The following PTPRT variants were observed in gnomAD, a reference collection of about 807,000 sequenced individuals.
PTPRT encodes the protein receptor-type tyrosine-protein phosphatase T.
PTPRT carries 56 observed loss-of-function variants against 176.8 expected under a neutral mutation model. The observed-to-expected ratio is 0.32, with a 90% confidence interval of 0.26 to 0.40. The LOEUF (loss-of-function observed/expected upper bound fraction) is 0.40, where lower values mean the gene tolerates loss of function less well. Among genes scored for constraint, PTPRT ranks in the 10% least tolerant of loss-of-function variants. The probability of loss-of-function intolerance (pLI) is 1.00; values close to 1 mark genes in which losing one functional copy is unlikely to be tolerated. For synonymous variants in PTPRT, 783 were observed against 739.0 expected, an observed-to-expected ratio of 1.06 and a Z score of -0.96; for missense variants, 1,540 against 1,908.2, an observed-to-expected ratio of 0.81 and a Z score of 3.60.
intron 15 of PTPRT, among the ~76,000 whole-genome samples, chr20:42,208,345 G>C (rs540211127): frequency 6.6e-6 from 1 of 151,586 alleles, no homozygotes; most frequent in East Asian, 1.9e-4. Context: ...GACACAGACT[G>C]GCAAGTTGGA....
intron 1 of PTPRT, among the ~76,000 whole-genome samples, chr20:42,911,213 T>C (rs1461349934): frequency 6.6e-6 from 1 of 152,180 alleles, no homozygotes; most frequent in African/African-American, 2.4e-5. Flanking sequence ...CTTATATGCT[T>C]TGTGTGTCTT....
At chr20:43,097,308 T>C (rs1460052196) in intron 1 of PTPRT, among the ~76,000 whole-genome samples, 1 of 152,020 alleles carries the variant, frequency 6.6e-6, no homozygotes. Flanking sequence ...ACCCTCTTTT[T>C]CCCCACTCAG....
intron 7 of PTPRT, among the ~76,000 whole-genome samples, chr20:42,501,881 T>A (rs1049576190): frequency 6.6e-6 from 1 of 152,090 alleles, no homozygotes; most frequent in Non-Finnish European, 1.5e-5. Context: ...TTTGTCCTGG[T>A]GTGGTTTTGA....
intron 7 of PTPRT, among the ~76,000 whole-genome samples, chr20:42,553,949 G>T (rs1441061922): frequency 6.6e-6 from 1 of 152,130 alleles, no homozygotes; most frequent in African/African-American, 2.4e-5. Context: ...CTAAGATGAT[G>T]TCAAAGTTTC....
intron 7 of PTPRT, among the ~76,000 whole-genome samples, chr20:42,523,544 G>A (rs906404742): frequency 1.6e-4 from 24 of 151,960 alleles, no homozygotes; most frequent in African/African-American, 5.8e-4. Flanking sequence ...TTTGTGTGAG[G>A]GAATTTGGAA....
At chr20:42,905,037 C>T (rs1039073768) in intron 1 of PTPRT, among the ~76,000 whole-genome samples, 6 of 152,174 alleles carry the variant, frequency 3.9e-5, no homozygotes, top group Non-Finnish European at 7.3e-5. Flanking sequence ...ACACCAAAAG[C>T]AATGGCAACA....
intron 7 of PTPRT, among the ~76,000 whole-genome samples, chr20:42,626,662 G>A (rs1274016289): frequency 6.6e-6 from 1 of 152,198 alleles, no homozygotes; most frequent in Non-Finnish European, 1.5e-5. Context: ...TACATTCACA[G>A]GGCCTGAGCC....
intron 16 of PTPRT, among the ~76,000 whole-genome samples, chr20:42,189,449 G>A (rs1174807267): frequency 6.6e-6 from 1 of 152,154 alleles, no homozygotes; most frequent in Non-Finnish European, 1.5e-5. Context: ...TGGAGGCAGA[G>A]ACCATGTCTT....
chr20:43,009,422 G>T (rs1027159330), intron 1 of PTPRT, among the ~76,000 whole-genome samples: 1 of 152,138 alleles, frequency 6.6e-6, no homozygotes, highest in African/African-American at 2.4e-5. Flanking sequence ...GAGTGTTATG[G>T]GCCATGAAAT....
At chr20:43,025,829 T>C (rs1490849351) in intron 1 of PTPRT, among the ~76,000 whole-genome samples, 1 of 152,156 alleles carries the variant, frequency 6.6e-6, no homozygotes, top group Admixed American at 6.5e-5. Context: ...AGAGCTTCAG[T>C]ATTTCATCCT....
At chr20:43,015,948 G>GAAA (rs367560612) in intron 1 of PTPRT, among the ~76,000 whole-genome samples, 1 of 128,174 alleles carries the variant, frequency 7.8e-6, no homozygotes, top group African/African-American at 2.8e-5. Context: ...ATTTCAAAAA[G>GAAA]AAAAAAAAAA....
At chr20:42,666,672 T>C (rs1302503852) in intron 7 of PTPRT, among the ~76,000 whole-genome samples, 1 of 152,350 alleles carries the variant, frequency 6.6e-6, no homozygotes. Context: ...TGGCCATTTG[T>C]TCAGGTCTTG....
chr20:42,891,888 A>T (rs1278248092), intron 1 of PTPRT, among the ~76,000 whole-genome samples: 1 of 152,244 alleles, frequency 6.6e-6, no homozygotes, highest in Non-Finnish European at 1.5e-5. Context: ...AACATTTTCC[A>T]TAAAAGACTA....
chr20:42,976,629 A>G (rs894198239), intron 1 of PTPRT, among the ~76,000 whole-genome samples: 10 of 151,794 alleles, frequency 6.6e-5, no homozygotes, highest in Non-Finnish European at 7.4e-5. Flanking sequence ...CTAGTCTCAA[A>G]CTCCTGACCT....
At chr20:42,463,544 A>C (rs1463796426) in intron 8 of PTPRT, among the ~76,000 whole-genome samples, 1 of 152,128 alleles carries the variant, frequency 6.6e-6, no homozygotes, top group African/African-American at 2.4e-5. Context: ...TTTTCATTTC[A>C]ACATAAAGGA....
At chr20:42,147,309 C>T (rs528922835) in intron 17 of PTPRT, among the ~76,000 whole-genome samples, 41 of 152,272 alleles carry the variant, frequency 2.7e-4, no homozygotes, top group African/African-American at 8.2e-4. Flanking sequence ...TGAAAATTGC[C>T]TAGTTGTGTT....
chr20:43,056,728 CTTG>C (rs1268642315), intron 1 of PTPRT, among the ~76,000 whole-genome samples: 6 of 152,088 alleles, frequency 3.9e-5, no homozygotes, highest in African/African-American at 1.4e-4. Flanking sequence ...TAAAAAGAAC[CTTG>C]TTATAACAGT....
the PTPRT span, among the ~76,000 whole-genome samples, chr20:42,055,957 C>T: frequency 2.4e-4 from 36 of 152,200 alleles, no homozygotes; most frequent in East Asian, 1.7e-3. Flanking sequence ...CTGATCAAAG[C>T]GTGGGTAGGT....
In PTPRT at chr20:42,617,776, G is replaced by A. The variant is rs1254277163; in HGVS notation, c.1153+60090C>T. Among the ~76,000 whole-genome samples, 11 of 138,782 alleles carry A rather than the reference G, an allele frequency of 7.9e-5. 1 individual carries two copies. The highest frequency in any genetic ancestry group is 7.6e-4 in the Admixed American group (11 of 14,508). 91.0% of individuals were successfully genotyped at this position (138,782 alleles called of 152,430 possible). A position where few individuals can be genotyped will look rare whatever the true frequency, so the allele number is the denominator to read the frequency against. On this transcript the variant is annotated intron_variant, in intron 7 of 30. Coordinates refer to ENST00000373187, the MANE Select transcript of PTPRT (RefSeq NM_007050.6). The stretch of plus-strand genomic sequence containing the variant: ...TAGTAGTTTGTATTTCTGTGGGATT[G>A]GTGGTGATATCCCCTTTATCATTTT...
Sources: gnomAD v4.1 joint callset for allele counts (sites outside exome capture counted in the v4.1 genomes callset) on GRCh38, gnomAD v4.1.1 for gene constraint, MANE v1.5 for transcripts, NCBI Gene and HGNC (gene_info 2026-07-23, HGNC 2026-07-21) for gene names.